PHLDB2: variants seen among roughly 807,000 people sequenced by gnomAD.
The protein encoded by PHLDB2 is pleckstrin homology-like domain family B member 2.
A neutral mutation model predicts 123.6 loss-of-function variants in PHLDB2; 71 were observed. The observed-to-expected ratio is 0.57, with a 90% CI of 0.47 to 0.70. PHLDB2 has a LOEUF of 0.70. Ranked by LOEUF, PHLDB2 falls within the 30% of genes least tolerant of loss-of-function variation. PHLDB2 has a pLI of 0.00. For synonymous variants in PHLDB2, 547 were observed against 541.6 expected, an observed-to-expected ratio of 1.01 and a Z score of -0.14; for missense variants, 1,446 against 1,519.5, an observed-to-expected ratio of 0.95 and a Z score of 0.80.
chr3:111,775,200 C>A (rs2060246964), intron 1 of PHLDB2, among the ~76,000 whole-genome samples: 1 of 152,120 alleles, frequency 6.6e-6, no homozygotes, highest in African/African-American at 2.4e-5. Flanking sequence ...ATCATTTATA[C>A]ATGGAACCAA....
intron 1 of PHLDB2, among the ~76,000 whole-genome samples, chr3:111,877,493 A>G (rs2065693005): frequency 6.6e-6 from 1 of 152,176 alleles, no homozygotes; most frequent in South Asian, 2.1e-4. Flanking sequence ...GTAGATTGCA[A>G]AAATTTCTCC....
Position 111,955,142 on chromosome 3 carries a change from A to G in PHLDB2, c.2872+1113A>G, listed in dbSNP as rs567900657. Among the ~76,000 whole-genome samples the G allele has an allele frequency of 2.0e-3, 38 of 19,186 alleles. No individual in the cohort carries two copies. In the East Asian group the frequency reaches 0.038, roughly 19 times the overall value. The allele number at this position is 19,186 out of a possible 152,430, so 12.6% of individuals were successfully genotyped here. A position where few individuals can be genotyped will look rare whatever the true frequency, so the allele number is the denominator to read the frequency against. Reference sequence around the variant, plus strand: ...CATAATGTGTATTGTGTATGTATATATGATATATATATATATATCTCTCAC... The same window carrying G: ...CATAATGTGTATTGTGTATGTATATGTGATATATATATATATATCTCTCAC... On this transcript the variant is annotated intron_variant, in intron 12 of 17. Coordinates refer to ENST00000431670, the MANE Select transcript of PHLDB2 (RefSeq NM_001134438.2).
rs1010532900 is a variant in PHLDB2, at chr3:111,894,157, G to A, written c.1335+8745G>A. 4.2e-5 allele frequency among the ~76,000 whole-genome samples: 6 copies of A among 144,326 alleles called. 1 individual carries two copies. The highest frequency in any genetic ancestry group is 1.0e-4 in the African/African-American group (4 of 39,008). 94.7% of individuals were successfully genotyped at this position (144,326 alleles called of 152,430 possible). On this transcript the variant is annotated intron_variant, in intron 2 of 17. Coordinates refer to ENST00000431670, the MANE Select transcript of PHLDB2 (RefSeq NM_001134438.2). The stretch of plus-strand genomic sequence containing the variant: ...TTCCCACCTATGAGTGAGAATATGC[G>A]GTGTTTGGTTTTTTGTTCTTGCGAT...
Position 111,948,930 on chromosome 3 carries a change from A to G in PHLDB2, c.2488-2A>G. 1 of 1,613,606 alleles carries G rather than the reference A, an allele frequency of 6.2e-7. No homozygotes were observed. The highest frequency in any genetic ancestry group is 8.5e-7 in the Non-Finnish European group (1 of 1,179,774). ...GTTTAACTTCTGAATTCCTCCTTTT[A>G]GGGCTATATCAGTGTAAATGAGATT... On this transcript the variant is annotated splice_acceptor_variant, in intron 9 of 17. Transcript: ENST00000431670. LOFTEE classifies it high-confidence loss of function.
chr3:111,921,601 A>G (rs1011158357), intron 5 of PHLDB2, among the ~76,000 whole-genome samples: 2 of 112,362 alleles, frequency 1.8e-5, no homozygotes, highest in African/African-American at 6.6e-5. Context: ...TTCTGCCCCC[A>G]GACTTTTTTT....
intron 10 of PHLDB2, chr3:111,949,600 A>T: frequency 1.5e-6 from 1 of 645,906 alleles, no homozygotes; most frequent in Non-Finnish European, 1.9e-6. Flanking sequence ...GTAACTTCTT[A>T]ATTAAAATAT....
chr3:111,940,665 C>A lies in PHLDB2; in HGVS notation c.2397+20C>A. 2 of 1,425,820 alleles carry A rather than the reference C, an allele frequency of 1.4e-6. No homozygotes were observed. Among genetic ancestry groups the A allele is most frequent in the South Asian group, 1.4e-5 (1 of 74,052 alleles). The allele number at this position is 1,425,820 out of a possible 1,614,324, so 88.3% of individuals were successfully genotyped here. On this transcript the variant is annotated intron_variant, in intron 8 of 17. Transcript: ENST00000431670. The stretch of plus-strand genomic sequence containing the variant: ...CAAAGAGTAAGTATTTCCTTTTCAG[C>A]ACTGGCTACAGTAAAACATAGGTTC...
At chr3:111,821,133 G>A (rs922850879) in intron 1 of PHLDB2, among the ~76,000 whole-genome samples, 1 of 152,168 alleles carries the variant, frequency 6.6e-6, no homozygotes, top group Non-Finnish European at 1.5e-5. Context: ...GTAAGTCTTA[G>A]CTGAATCGGG....
intron 16 of PHLDB2, among the ~76,000 whole-genome samples, chr3:111,972,827 A>G (rs2072293851): frequency 6.6e-6 from 1 of 152,122 alleles, no homozygotes; most frequent in Non-Finnish European, 1.5e-5. Context: ...ACACAAATCC[A>G]TGTACATTTA....
At chr3:111,969,265 T>C (rs185152831) in intron 15 of PHLDB2, among the ~76,000 whole-genome samples, 31 of 152,360 alleles carry the variant, frequency 2.0e-4, no homozygotes, top group African/African-American at 7.0e-4. Flanking sequence ...AATCATGTCA[T>C]GCTTGAGATT....
At chr3:111,905,287 TA>T (rs1284358807) in intron 2 of PHLDB2, among the ~76,000 whole-genome samples, 1 of 152,194 alleles carries the variant, frequency 6.6e-6, no homozygotes, top group Non-Finnish European at 1.5e-5. Context: ...AAGTAGACAG[TA>T]ACCCTTTCAG....
chr3:111,858,763 T>C (rs1459316373), upstream of PHLDB2, among the ~76,000 whole-genome samples: 1 of 152,152 alleles, frequency 6.6e-6, no homozygotes, highest in African/African-American at 2.4e-5. Context: ...TTCGTTGTGC[T>C]CTTCTTTGCT....
At chr3:111,973,874 A>T in intron 17 of PHLDB2, 57 bp downstream of exon 17, 1 of 1,077,934 alleles carries the variant, frequency 9.3e-7, no homozygotes, top group Non-Finnish European at 1.4e-6. Flanking sequence ...GAAGGGAAAA[A>T]TATTTTTGGA....
chr3:111,835,755 G>A (rs2063366725), intron 1 of PHLDB2, among the ~76,000 whole-genome samples: 1 of 152,158 alleles, frequency 6.6e-6, no homozygotes, highest in African/African-American at 2.4e-5. Flanking sequence ...TGTCAGCTGG[G>A]TCCTCAGCAG....
At chr3:111,784,853 A>G (rs2060618818) in intron 1 of PHLDB2, among the ~76,000 whole-genome samples, 1 of 152,096 alleles carries the variant, frequency 6.6e-6, no homozygotes, top group African/African-American at 2.4e-5. Flanking sequence ...TGAACATGTC[A>G]TACCTAACCA....
intron 1 of PHLDB2, among the ~76,000 whole-genome samples, chr3:111,834,480 A>C (rs548198099): frequency 6.6e-6 from 1 of 150,568 alleles, no homozygotes; most frequent in South Asian, 2.1e-4. Context: ...GATTTACCTC[A>C]TTTTCATATC....
chr3:111,962,539 C>A (rs1451241893), intron 13 of PHLDB2, among the ~76,000 whole-genome samples: 1 of 152,154 alleles, frequency 6.6e-6, no homozygotes, highest in Non-Finnish European at 1.5e-5. Context: ...CCACCTTTAT[C>A]CTGTTTTTCT....
chr3:111,881,921 T>G (rs2065949283), intron 1 of PHLDB2, among the ~76,000 whole-genome samples: 1 of 152,054 alleles, frequency 6.6e-6, no homozygotes, highest in South Asian at 2.1e-4. Context: ...TGTTCAAGAG[T>G]CAACTGAATA....
chr3:111,802,726 A>T (rs2061422959), intron 1 of PHLDB2, among the ~76,000 whole-genome samples: 1 of 152,246 alleles, frequency 6.6e-6, no homozygotes, highest in Admixed American at 6.5e-5. Flanking sequence ...GAGTGAGGCA[A>T]GCATCATGCA....
Sources: allele counts gnomAD v4.1 joint callset (sites outside exome capture counted in the v4.1 genomes callset), GRCh38; gene constraint gnomAD v4.1.1; transcripts MANE v1.5; gene names NCBI Gene and HGNC (gene_info 2026-07-23, HGNC 2026-07-21).